Variants in TSC2 observed in about 807,000 individuals in gnomAD.
The protein encoded by TSC2 is TSC complex subunit 2.
A neutral mutation model predicts 202.2 loss-of-function variants in TSC2; 29 were observed. That is an observed-to-expected ratio of 0.14 (90% CI 0.11 to 0.20). TSC2 has a LOEUF of 0.20. TSC2 is among the 10% of genes least tolerant of loss of function. TSC2 has a pLI of 1.00. For missense variants in TSC2, 2,429 were observed against 2,420.0 expected (o/e 1.00, Z -0.08); for synonymous variants, 1,349 against 1,044.0 (o/e 1.29, Z -5.63).
intron 2 of TSC2, 93 bp downstream of exon 2, chr16:2,048,846 C>A: frequency 6.4e-7 from 1 of 1,564,024 alleles, no homozygotes; most frequent in Non-Finnish European, 8.8e-7. Flanking sequence ...AGACGGGTTG[C>A]TGGCAACTGT....
intron 19 of TSC2, 61 bp from the exon 20 acceptor site, chr16:2,072,180 A>C (rs1290244672): frequency 1.2e-6 from 2 of 1,610,250 alleles, no homozygotes. Context: ...CTCAGATGCT[A>C]GCTTCCGCCT....
At chr16:2,087,223 C>T (rs542744023) in intron 38 of TSC2, 18 of 398,240 alleles carry the variant, frequency 4.5e-5, no homozygotes, top group African/African-American at 2.1e-4. Context: ...GTTATCGCCA[C>T]GCACCACTAG....
In TSC2 at chr16:2,072,269, T is replaced by C. The variant is rs1326276839; in HGVS notation, c.2126T>C (p.Val709Ala). The C allele has an allele frequency of 6.2e-7, 1 of 1,614,098 alleles. No individual in the cohort carries two copies. The highest frequency in any genetic ancestry group is 1.3e-5 in the African/African-American group (1 of 75,062). ...TCTGACTGGAAGGTGCTGAAGCTGGTTCTGGGCAGGCTGCCTGAGTCCCTG... is the reference window on the plus strand; with the variant it reads ...TCTGACTGGAAGGTGCTGAAGCTGGCTCTGGGCAGGCTGCCTGAGTCCCTG... ...QESDWKVLKL[V>A]LGRLPESLRY... The change falls in exon 20 of 42, where the codon GTT becomes GCT. Residue 709 changes from valine to alanine, a missense_variant. By Grantham distance (64) the Val-to-Ala change is moderately conservative. Coordinates refer to ENST00000219476, the MANE Select transcript of TSC2 (RefSeq NM_000548.5).
Position 2,047,990 on chromosome 16 carries a change from C to A in TSC2, c.-105C>A, listed in dbSNP as rs1452308188. On this transcript the variant is annotated 5_prime_UTR_variant, in exon 1 of 42. Coordinates refer to ENST00000219476, the MANE Select transcript of TSC2 (RefSeq NM_000548.5). ...CTACCGGAAGTGCGGGTCGCGCTTCCGGCGGCGTCCCGGGGCCAGGGGGGT... is the reference window on the plus strand; with the variant it reads ...CTACCGGAAGTGCGGGTCGCGCTTCAGGCGGCGTCCCGGGGCCAGGGGGGT... 4.6e-6 allele frequency: 7 copies of A among 1,511,052 alleles called. No individual in the cohort carries two copies. Among genetic ancestry groups the A allele is most frequent in the Non-Finnish European group, 1.8e-6 (2 of 1,131,776 alleles). The allele number at this position is 1,511,052 out of a possible 1,614,324, so 93.6% of individuals were successfully genotyped here.
chr16:2,076,718 C>T, intron 25 of TSC2, 133 bp downstream of exon 25: 1 of 942,542 alleles, frequency 1.1e-6, no homozygotes, highest in Non-Finnish European at 1.6e-6. Flanking sequence ...TGAGGCAGGG[C>T]AGGACCTGCA....
At chr16:2,087,721 G>A (rs985652842) in intron 38 of TSC2, 142 bp from the exon 39 acceptor site, 3 of 1,050,088 alleles carry the variant, frequency 2.9e-6, no homozygotes, top group Non-Finnish European at 2.9e-6. Flanking sequence ...GACAAACACA[G>A]CCCCGCTGCC....
At chr16:2,087,059 G>A in intron 38 of TSC2, 188 bp downstream of exon 38, 1 of 847,686 alleles carries the variant, frequency 1.2e-6, no homozygotes, top group Non-Finnish European at 1.8e-6. Flanking sequence ...CCTGAAGCCT[G>A]TGGCGCCTGC....
rs1555514397 is a variant in TSC2 at position 2,084,590 on chromosome 16, C to T, written c.4368C>T (p.Leu1456=). 1 of 1,605,242 alleles carries T rather than the reference C, an allele frequency of 6.2e-7. No individual in the cohort carries two copies. The highest frequency in any genetic ancestry group is 1.3e-5 in the African/African-American group (1 of 75,064). ...PSSSPRSPSG[L]RPRGYTISDS... ...GCTCCCCCCGCTCGCCCAGTGGCCT[C>T]CGGCCCCGAGGTTACACCATCTCCG... is the stretch of plus-strand genomic sequence containing the variant. Residue 1456 remains leucine (L), a synonymous_variant, in exon 34 of 42, where the codon CTC becomes CTT. Transcript: ENST00000219476.
intron 37 of TSC2, 100 bp downstream of exon 37, chr16:2,086,479 C>T (rs2090809988): frequency 1.3e-6 from 2 of 1,503,160 alleles, no homozygotes; most frequent in Admixed American, 3.9e-5. Flanking sequence ...CCCTGGCACC[C>T]CCACCTGCTC....
chr16:2,062,605 G>A lies in TSC2; in HGVS notation c.1361+5G>A, dbSNP rs2086781791. 6.2e-7 allele frequency: 1 copy of A among 1,601,880 alleles called. No homozygotes were observed. Among genetic ancestry groups the A allele is most frequent in the Non-Finnish European group, 8.5e-7 (1 of 1,173,850 alleles). ...GCTGATGGAGAGATTCTTCAGGTAGGGGGTCCTCTGTAGCCTTGCCTGGCA... is the reference window on the plus strand; with the variant it reads ...GCTGATGGAGAGATTCTTCAGGTAGAGGGTCCTCTGTAGCCTTGCCTGGCA... On this transcript the variant is annotated splice_donor_5th_base_variant and intron_variant, in intron 13 of 41. Coordinates refer to ENST00000219476, the MANE Select transcript of TSC2 (RefSeq NM_000548.5).
intron 16 of TSC2, among the ~76,000 whole-genome samples, chr16:2,070,080 G>C (rs980995776): frequency 5.3e-5 from 8 of 151,964 alleles, no homozygotes; most frequent in African/African-American, 1.9e-4. Context: ...GGCAACAGAT[G>C]CTCTTCACAC....
chr16:2,064,259 T>C lies in TSC2; in HGVS notation c.1444-13T>C, dbSNP rs45447093. 20 of 1,613,750 alleles carry C rather than the reference T, an allele frequency of 1.2e-5. No homozygotes were observed. Among genetic ancestry groups the C allele is most frequent in the African/African-American group, 5.3e-5 (4 of 74,960 alleles). On this transcript the variant is annotated splice_polypyrimidine_tract_variant and intron_variant, in intron 14 of 41. Transcript: ENST00000219476. The stretch of plus-strand genomic sequence containing the variant: ...TGGGCTGGCGCTCATTGGCCTCCCT[T>C]GTGCCTGTGCAGGAGGAGCTGATTA...
intron 25 of TSC2, 63 bp downstream of exon 25, chr16:2,076,648 C>T: frequency 1.3e-6 from 2 of 1,560,088 alleles, no homozygotes; most frequent in Non-Finnish European, 1.8e-6. Context: ...GGGCTGTGGC[C>T]TGCCTGACGG....
chr16:2,080,237 G>C lies in TSC2; in HGVS notation c.3470G>C (p.Gly1157Ala), dbSNP rs1477039147. Residue 1157 changes from glycine (G) to alanine (A), a missense_variant, in exon 30 of 42, where the codon GGA becomes GCA. By Grantham distance (60) the Gly-to-Ala change is moderately conservative. Coordinates refer to ENST00000219476, the MANE Select transcript of TSC2 (RefSeq NM_000548.5). Reference protein sequence around the residue: ...SQFLGSATSPGPRTAPAAKPE... With the variant: ...SQFLGSATSPAPRTAPAAKPE... Reference sequence around the variant, plus strand: ...TTCCTGGGCAGTGCCACTTCTCCAGGACCACGGACTGCACCAGCCGCGAAA... The same window carrying C: ...TTCCTGGGCAGTGCCACTTCTCCAGCACCACGGACTGCACCAGCCGCGAAA... 6.2e-7 allele frequency: 1 copy of C among 1,612,946 alleles called. No homozygotes were observed. The highest frequency in any genetic ancestry group is 2.2e-5 in the East Asian group (1 of 44,882).
chr16:2,058,355 C>A (rs2086169796), intron 9 of TSC2, among the ~76,000 whole-genome samples: 1 of 152,236 alleles, frequency 6.6e-6, no homozygotes. Flanking sequence ...GTCACTGACT[C>A]CCCCACCTCC....
chr16:2,071,020 G>A (rs534515081), intron 17 of TSC2, among the ~76,000 whole-genome samples: 6 of 146,678 alleles, frequency 4.1e-5, no homozygotes, highest in Non-Finnish European at 8.8e-5. Flanking sequence ...CAGGGCTGGA[G>A]GAGTTTCGCT....
In TSC2 at chr16:2,088,812, G is replaced by C. The variant is rs919027909; in HGVS notation, c.*202G>C. 35 of 706,216 alleles carry C rather than the reference G, an allele frequency of 5.0e-5. No individual in the cohort carries two copies. Among genetic ancestry groups the C allele is most frequent in the Non-Finnish European group, 7.6e-5 (33 of 435,736 alleles). The allele number at this position is 706,216 out of a possible 1,614,324, so 43.7% of individuals were successfully genotyped here. On this transcript the variant is annotated 3_prime_UTR_variant, in exon 42 of 42. Transcript: ENST00000219476. ...ATGCCCACAGAAGTGGTACACAGAA[G>C]CAGGCACAGCCAGCTCCGAGGGCCT...
At position 2,053,394 on chromosome 16, in the gene TSC2, G is replaced by A. The variant is rs1222477746; in HGVS notation, c.278G>A (p.Arg93Gln). 4 of 1,591,706 alleles carry A rather than the reference G, an allele frequency of 2.5e-6. No individual in the cohort carries two copies. The highest frequency in any genetic ancestry group is 1.3e-5 in the African/African-American group (1 of 74,698). ...KAVADLLQPE[R>Q]PLEARHAVLA... is the part of the protein sequence containing the mutation. ...GTCGCGGATCTGTTGCAGCCGGAGC[G>A]GCCGCTGGAGGCCCGGCACGCGGTG... Residue 93 changes from arginine to glutamine, a missense_variant, in exon 4 of 42, where the codon CGG (arginine) becomes CAG (glutamine). Transcript: ENST00000219476.
rs1020145065 is a variant in TSC2, at chr16:2,059,427, C to T, written c.975+554C>T. ...GTGCGATCTCGGCTCACTGCAACCT[C>T]TGCCTCCCCAGTTCAAGCCATTCTG... On this transcript the variant is annotated intron_variant, in intron 10 of 41. Transcript: ENST00000219476. Among the ~76,000 whole-genome samples, 4 of 146,018 alleles carry T rather than the reference C, an allele frequency of 2.7e-5. No homozygotes were observed. In the Admixed American group the frequency reaches 2.8e-4, roughly 10 times the overall value.
Sources: gnomAD v4.1 joint callset for allele counts (sites outside exome capture counted in the v4.1 genomes callset) on GRCh38, gnomAD v4.1.1 for gene constraint, MANE v1.5 for transcripts, NCBI Gene and HGNC (gene_info 2026-07-23, HGNC 2026-07-21) for gene names.